The following NTF3 variants were observed in gnomAD, a reference collection of about 807,000 sequenced individuals.
The protein encoded by NTF3 is neurotrophin-3.
Under a neutral mutation model 26.3 loss-of-function variants are expected in NTF3, and 8 were observed. That is an observed-to-expected ratio of 0.30 (90% CI 0.18 to 0.55). The LOEUF (loss-of-function observed/expected upper bound fraction) is 0.55. Ranked by LOEUF, NTF3 falls within the 20% of genes least tolerant of loss-of-function variation. The pLI, the probability that NTF3 is intolerant of heterozygous loss-of-function variation, is 0.93. For missense variants in NTF3, 276 were observed against 352.9 expected (o/e 0.78, Z 1.75); for synonymous variants, 154 against 145.5 (o/e 1.06, Z -0.42).
At chr12:5,481,304 CT>C in intron 1 of NTF3, among the ~76,000 whole-genome samples, 1 of 152,054 alleles carries the variant, frequency 6.6e-6, no homozygotes, top group Non-Finnish European at 1.5e-5. Context: ...ATCCCTTCTG[CT>C]TTTTGGCATC....
intron 1 of NTF3, among the ~76,000 whole-genome samples, chr12:5,441,774 G>A (rs1164914167): frequency 6.6e-6 from 1 of 152,142 alleles, no homozygotes; most frequent in Non-Finnish European, 1.5e-5. Context: ...ACCTTGCCAG[G>A]GCTTCAAAAC....
chr12:5,470,167 A>G (rs1021651821), intron 1 of NTF3, among the ~76,000 whole-genome samples: 2 of 151,844 alleles, frequency 1.3e-5, no homozygotes, highest in East Asian at 3.9e-4. Context: ...CTCGTGATCC[A>G]CCCGCCTCGG....
intron 1 of NTF3, among the ~76,000 whole-genome samples, chr12:5,490,740 T>A (rs948983828): frequency 5.9e-5 from 9 of 152,168 alleles, no homozygotes; most frequent in African/African-American, 1.7e-4. Flanking sequence ...GGCTTCGAGT[T>A]CATAATATTC....
chr12:5,445,346 T>C (rs1421561888), intron 1 of NTF3, among the ~76,000 whole-genome samples: 2 of 150,588 alleles, frequency 1.3e-5, no homozygotes, highest in African/African-American at 4.9e-5. Context: ...GTTTAAAGTT[T>C]TAAAGTCTCC....
At chr12:5,478,564 C>T (rs918383527) in intron 1 of NTF3, among the ~76,000 whole-genome samples, 1 of 152,260 alleles carries the variant, frequency 6.6e-6, no homozygotes, top group African/African-American at 2.4e-5. Flanking sequence ...TAGGCCTCCC[C>T]ATGGGGCAGC....
chr12:5,441,384 G>A (rs761628833), intron 1 of NTF3, among the ~76,000 whole-genome samples: 5 of 152,158 alleles, frequency 3.3e-5, no homozygotes, highest in African/African-American at 1.2e-4. Flanking sequence ...TTCTTGAATC[G>A]GAGATAGCAT....
At chr12:5,488,022 C>A (rs1333280710) in intron 1 of NTF3, among the ~76,000 whole-genome samples, 1 of 152,144 alleles carries the variant, frequency 6.6e-6, no homozygotes, top group African/African-American at 2.4e-5. Context: ...TTCATGGTTG[C>A]CACTACCCGA....
chr12:5,430,445 C>T (rs997962184), upstream of NTF3, among the ~76,000 whole-genome samples: 25 of 151,724 alleles, frequency 1.6e-4, no homozygotes, highest in African/African-American at 6.1e-4. Flanking sequence ...TGAAGGACTA[C>T]CCTACCCTTG....
chr12:5,441,483 A>G lies in NTF3; in HGVS notation c.18+9141A>G, dbSNP rs535930509. Reference sequence around the variant, plus strand: ...TATTAAAATCATTGCTTAACCTGGGATATTTGCTTAACCTGGGAAGCCTCC... The same window carrying G: ...TATTAAAATCATTGCTTAACCTGGGGTATTTGCTTAACCTGGGAAGCCTCC... On this transcript the variant is annotated intron_variant, in intron 1 of 1. Transcript: ENST00000423158. Among the ~76,000 whole-genome samples the G allele has an allele frequency of 1.6e-4, 20 of 126,082 alleles. No individual in the cohort carries two copies. In the South Asian group the frequency reaches 5.3e-3, roughly 33 times the overall value. The allele number at this position is 126,082 out of a possible 152,430, so 82.7% of individuals were successfully genotyped here. A position where few individuals can be genotyped will look rare whatever the true frequency, so the allele number is the denominator to read the frequency against.
chr12:5,475,391 T>C (rs572228921), intron 1 of NTF3, among the ~76,000 whole-genome samples: 1 of 152,186 alleles, frequency 6.6e-6, no homozygotes, highest in Admixed American at 6.5e-5. Context: ...ATGATGGACA[T>C]AGGGAATTCT....
At chr12:5,482,622 A>G (rs1188592305) in intron 1 of NTF3, among the ~76,000 whole-genome samples, 3 of 152,054 alleles carry the variant, frequency 2.0e-5, no homozygotes. Flanking sequence ...CCAACCAGGT[A>G]GAAGAGCCAC....
rs186653906 is a variant in NTF3 at position 5,451,107 on chromosome 12, T to C, written c.18+18765T>C. Among the ~76,000 whole-genome samples the C allele has an allele frequency of 1.1e-4, 16 of 152,306 alleles. No homozygotes were observed. In the East Asian group the frequency reaches 2.7e-3, roughly 26 times the overall value. ...AATCCCTCTCCAGTGCCTTACACCT[T>C]CTTGCTGTAATTTGAAGCATGGCCA... On this transcript the variant is annotated intron_variant, in intron 1 of 1. Coordinates refer to ENST00000423158, the MANE Select transcript of NTF3 (RefSeq NM_001102654.2).
chr12:5,436,691 G>A (rs1940172900), intron 1 of NTF3, among the ~76,000 whole-genome samples: 1 of 152,188 alleles, frequency 6.6e-6, no homozygotes, highest in African/African-American at 2.4e-5. Flanking sequence ...TCTTTACAAT[G>A]CAACTTAATC....
intron 1 of NTF3, among the ~76,000 whole-genome samples, chr12:5,468,059 C>T (rs1342848827): frequency 6.6e-6 from 1 of 152,084 alleles, no homozygotes; most frequent in African/African-American, 2.4e-5. Flanking sequence ...GTTCTCTGTT[C>T]CCAAACAAAT....
rs559615977 is a variant in NTF3 at position 5,445,837 on chromosome 12, G to GT, written c.18+13497dup. ...CAGTTTGCTGAGAACTCCTCACTTA[G>GT]TTAAGGAAGTTCTTCTAAGGATGTT... On this transcript the variant is annotated intron_variant, in intron 1 of 1. Transcript: ENST00000423158. Among the ~76,000 whole-genome samples the GT allele has an allele frequency of 2.6e-3, 401 of 152,300 alleles. 1 individual carries two copies. The highest frequency in any genetic ancestry group is 8.9e-3 in the African/African-American group (371 of 41,578).
Position 5,495,235 on chromosome 12 carries a change from A to G in NTF3, c.*247A>G, listed in dbSNP as rs1940994045. ...GAGTCACTCTGTAAAATCTGTGTAC[A>G]CCAGTATTTTGCATTCAGTATTGTC... On this transcript the variant is annotated 3_prime_UTR_variant, in exon 2 of 2. Coordinates refer to ENST00000423158, the MANE Select transcript of NTF3 (RefSeq NM_001102654.2). 4 of 479,182 alleles carry G rather than the reference A, an allele frequency of 8.3e-6. No individual in the cohort carries two copies. Among genetic ancestry groups the G allele is most frequent in the Non-Finnish European group, 1.1e-5 (3 of 262,308 alleles). The allele number at this position is 479,182 out of a possible 1,614,324, so 29.7% of individuals were successfully genotyped here.
intron 1 of NTF3, among the ~76,000 whole-genome samples, chr12:5,492,255 G>A (rs1220873374): frequency 6.6e-6 from 1 of 152,090 alleles, no homozygotes; most frequent in Non-Finnish European, 1.5e-5. Flanking sequence ...ATTCTACCTG[G>A]GACCTCCCCT....
chr12:5,456,183 A>G lies in NTF3; in HGVS notation c.18+23841A>G, dbSNP rs917364418. 1.3e-5 allele frequency among the ~76,000 whole-genome samples: 2 copies of G among 152,190 alleles called. No individual in the cohort carries two copies. Among genetic ancestry groups the G allele is most frequent in the Non-Finnish European group, 2.9e-5 (2 of 68,030 alleles). On this transcript the variant is annotated intron_variant, in intron 1 of 1. Coordinates refer to ENST00000423158, the MANE Select transcript of NTF3 (RefSeq NM_001102654.2). This position sits in a 1 kb window ranked among gnomAD's most constrained non-coding sequence, Gnocchi z 4.4. Reference sequence around the variant, plus strand: ...GATGGTTCTTAGTGGTACAGGATGCACTGCAAGCTTTAAATGCGAGTGGCA... The same window carrying G: ...GATGGTTCTTAGTGGTACAGGATGCGCTGCAAGCTTTAAATGCGAGTGGCA...
At chr12:5,481,695 AAGCAGAATAACAC>A (rs1940804096) in intron 1 of NTF3, among the ~76,000 whole-genome samples, 1 of 130,700 alleles carries the variant, frequency 7.7e-6, no homozygotes, top group Admixed American at 7.8e-5. Context: ...TACACCACAC[AAGCAGAATAACAC>A]CACACGCACA....
Sources: allele counts gnomAD v4.1 joint callset (sites outside exome capture counted in the v4.1 genomes callset), GRCh38; gene constraint gnomAD v4.1.1; non-coding constraint Gnocchi (gnomAD v3.1); transcripts MANE v1.5; gene names NCBI Gene and HGNC (gene_info 2026-07-23, HGNC 2026-07-21).